Variants in CDH13 observed in about 807,000 individuals in gnomAD.
CDH13 encodes the protein cadherin 13.
A neutral mutation model predicts 63.8 loss-of-function variants in CDH13; 24 were observed. The ratio of observed to expected loss-of-function variants is 0.38; its 90% CI spans 0.27 to 0.53. The LOEUF is 0.53. Among genes scored for constraint, CDH13 ranks in the 20% least tolerant of loss-of-function variants. The pLI is 0.85. For missense variants in CDH13, 1,049 were observed against 903.1 expected (o/e 1.16, Z -2.07); for synonymous variants, 503 against 355.3 (o/e 1.42, Z -4.67).
At chr16:83,073,343 G>GTT (rs2032583512) in intron 3 of CDH13, among the ~76,000 whole-genome samples, 2 of 133,890 alleles carry the variant, frequency 1.5e-5, no homozygotes. Context: ...GTGTGTGTGT[G>GTT]TGTGTGTGTG....
chr16:83,620,417 G>A (rs1183019145), intron 8 of CDH13, among the ~76,000 whole-genome samples: 4 of 148,976 alleles, frequency 2.7e-5, no homozygotes, highest in Admixed American at 1.3e-4. Flanking sequence ...AAAAGATATA[G>A]GGAGGAACAT....
At chr16:83,600,753 G>T (rs902536888) in intron 7 of CDH13, among the ~76,000 whole-genome samples, 1 of 152,124 alleles carries the variant, frequency 6.6e-6, no homozygotes, top group Non-Finnish European at 1.5e-5. Flanking sequence ...TCTGTCCAAC[G>T]TGAGTTAAGC....
chr16:83,425,529 T>C (rs888102321), intron 6 of CDH13, among the ~76,000 whole-genome samples: 4 of 152,170 alleles, frequency 2.6e-5, no homozygotes, highest in African/African-American at 9.7e-5. Flanking sequence ...CCACCATAAC[T>C]CCCCTTTTAG....
At chr16:82,738,733 A>G (rs1255933804) in intron 1 of CDH13, among the ~76,000 whole-genome samples, 1 of 152,148 alleles carries the variant, frequency 6.6e-6, no homozygotes, top group Non-Finnish European at 1.5e-5. Flanking sequence ...CATTTGGGGG[A>G]AAATGTCATC....
At chr16:82,800,808 A>G (rs1182790232) in intron 1 of CDH13, among the ~76,000 whole-genome samples, 2 of 152,208 alleles carry the variant, frequency 1.3e-5, no homozygotes, top group Non-Finnish European at 2.9e-5. Flanking sequence ...GGAGTCTCAG[A>G]TGAGAAATCT....
chr16:82,745,206 C>T (rs753405238), intron 1 of CDH13, among the ~76,000 whole-genome samples: 1 of 152,100 alleles, frequency 6.6e-6, no homozygotes, highest in Non-Finnish European at 1.5e-5. Context: ...GAGTTGTGTG[C>T]GTGGGGCGAT....
At chr16:83,256,672 T>TAGA (rs1906309160) in intron 5 of CDH13, among the ~76,000 whole-genome samples, 2 of 13,406 alleles carry the variant, frequency 1.5e-4, no homozygotes, top group African/African-American at 6.1e-4. Flanking sequence ...TCTACTAAAA[T>TAGA]ACAAAAAAAA....
chr16:82,899,269 T>G (rs182345854), intron 2 of CDH13, among the ~76,000 whole-genome samples: 2 of 152,320 alleles, frequency 1.3e-5, no homozygotes, highest in Admixed American at 1.3e-4. Context: ...TGAGTATGTG[T>G]AATGCATCTA....
intron 5 of CDH13, among the ~76,000 whole-genome samples, chr16:83,221,959 G>C (rs1447604768): frequency 6.6e-6 from 1 of 152,144 alleles, no homozygotes; most frequent in African/African-American, 2.4e-5. Context: ...AATTAGATGA[G>C]GGCTAAACAG....
At chr16:83,345,081 C>A in intron 6 of CDH13, 75 bp downstream of exon 6, 2 of 1,527,636 alleles carry the variant, frequency 1.3e-6, no homozygotes, top group Non-Finnish European at 9.0e-7. Context: ...ATTCTAGGGA[C>A]TGTCTTATGG....
intron 2 of CDH13, among the ~76,000 whole-genome samples, chr16:83,015,768 G>A (rs751087238): frequency 7.8e-5 from 11 of 140,262 alleles, no homozygotes; most frequent in African/African-American, 1.3e-4. Flanking sequence ...TAGACTTGCC[G>A]TGGGTATGTG....
chr16:82,701,973 G>A (rs919927294), intron 1 of CDH13, among the ~76,000 whole-genome samples: 1 of 152,144 alleles, frequency 6.6e-6, no homozygotes, highest in Admixed American at 6.5e-5. Flanking sequence ...TGTTCTTGGA[G>A]CAAGGACATG....
intron 6 of CDH13, among the ~76,000 whole-genome samples, chr16:83,460,551 A>G (rs948072443): frequency 3.3e-5 from 5 of 152,236 alleles, no homozygotes; most frequent in Non-Finnish European, 7.3e-5. Context: ...GTGGATCTCC[A>G]GGACATGCAT....
chr16:83,769,371 T>C (rs1914610975), intron 11 of CDH13, among the ~76,000 whole-genome samples: 4 of 152,216 alleles, frequency 2.6e-5, no homozygotes, highest in Non-Finnish European at 4.4e-5. Flanking sequence ...CTAGTGCTAC[T>C]GTAACTGAGG....
At chr16:83,524,072 A>G (rs1164928824) in intron 7 of CDH13, among the ~76,000 whole-genome samples, 1 of 152,228 alleles carries the variant, frequency 6.6e-6, no homozygotes. Flanking sequence ...TCAGTTGTGT[A>G]AATTAGTGAA....
rs1007400081 is a variant in CDH13, at chr16:83,006,912, G to C, written c.158-25098G>C. On this transcript the variant is annotated intron_variant, in intron 2 of 13. Transcript: ENST00000567109. ...CACCCAGTTTTGATTTTTTTTGTTT[G>C]TTTGTTTGTTTGTTTGTTTGTTTTT... Among the ~76,000 whole-genome samples the C allele has an allele frequency of 1.6e-5, 2 of 122,928 alleles. 1 individual carries two copies. The highest frequency in any genetic ancestry group is 3.7e-5 in the Non-Finnish European group (2 of 54,058). The allele number at this position is 122,928 out of a possible 152,430, so 80.6% of individuals were successfully genotyped here. A position where few individuals can be genotyped will look rare whatever the true frequency, so the allele number is the denominator to read the frequency against.
At chr16:83,109,575 C>A (rs1009244764) in intron 3 of CDH13, among the ~76,000 whole-genome samples, 1 of 152,100 alleles carries the variant, frequency 6.6e-6, no homozygotes, top group African/African-American at 2.4e-5. Flanking sequence ...CAGGGGCCAG[C>A]CAGACATTTA....
At chr16:82,749,999 G>T (rs764151756) in intron 1 of CDH13, among the ~76,000 whole-genome samples, 1 of 152,156 alleles carries the variant, frequency 6.6e-6, no homozygotes, top group Non-Finnish European at 1.5e-5. Context: ...GTATTCCTGG[G>T]TGGGGCCAAA....
chr16:83,624,090 C>T (rs1469072447), intron 8 of CDH13, among the ~76,000 whole-genome samples: 1 of 152,162 alleles, frequency 6.6e-6, no homozygotes, highest in Non-Finnish European at 1.5e-5. Flanking sequence ...GGACGGGATG[C>T]TCCTTGTCTG....
Sources: gnomAD v4.1 joint callset for allele counts (sites outside exome capture counted in the v4.1 genomes callset) on GRCh38, gnomAD v4.1.1 for gene constraint, MANE v1.5 for transcripts, NCBI Gene and HGNC (gene_info 2026-07-23, HGNC 2026-07-21) for gene names.